CARD14: variants seen among roughly 807,000 people sequenced by gnomAD.
CARD14 encodes caspase recruitment domain family member 14, also known as caspase recruitment domain-containing protein 14.
In CARD14, 107 loss-of-function variants were observed where a neutral mutation model predicts 111.5. The ratio of observed to expected loss-of-function variants is 0.96; its 90% CI spans 0.82 to 1.13. The LOEUF (loss-of-function observed/expected upper bound fraction) is 1.13, where lower values mean the gene tolerates loss of function less well. Among genes scored for constraint, CARD14 ranks in the 50% most tolerant of loss-of-function variants. The pLI, the probability that CARD14 is intolerant of heterozygous loss-of-function variation, is 0.00. For missense variants in CARD14, 1,322 were observed against 1,362.3 expected (o/e 0.97, Z 0.47); for synonymous variants, 617 against 579.6 (o/e 1.06, Z -0.93).
At position 80,207,063 on chromosome 17, in the gene CARD14, G is replaced by A. The variant is rs1567907237; in HGVS notation, c.2785G>A (p.Glu929Lys). The change falls in exon 23 of 24, where the codon GAG (glutamate) becomes AAG (lysine). Residue 929 changes from glutamate to lysine, a missense_variant. Physicochemically the swap from Glu to Lys is moderately conservative, Grantham distance 56. Coordinates refer to ENST00000648509, the MANE Select transcript of CARD14 (RefSeq NM_001366385.1). ...FPIVIHVSVN[E>K]KMAKKLKKGL... ...CATCGTCATCCACGTCTCTGTCAAC[G>A]AGAAGATGGCAAAGAAGCTCAAGTA... is the stretch of plus-strand genomic sequence containing the variant. 7.4e-6 allele frequency: 12 copies of A among 1,613,804 alleles called. No individual in the cohort carries two copies. Among genetic ancestry groups the A allele is most frequent in the Non-Finnish European group, 9.3e-6 (11 of 1,179,834 alleles).
At chr17:80,181,310 A>G (rs915748624) in intron 4 of CARD14, 109 bp from the exon 5 acceptor site, 4 of 782,294 alleles carry the variant, frequency 5.1e-6, no homozygotes, top group African/African-American at 3.5e-5. Flanking sequence ...ACTGGCAAAG[A>G]GTGCGCCTTG....
intron 2 of CARD14, among the ~76,000 whole-genome samples, chr17:80,174,614 A>G (rs924441491): frequency 6.6e-6 from 1 of 152,090 alleles, no homozygotes; most frequent in Non-Finnish European, 1.5e-5. Flanking sequence ...TTCTTAGGGT[A>G]AAGAATCTTC....
At chr17:80,206,442 C>T (rs996123026) in intron 22 of CARD14, among the ~76,000 whole-genome samples, 1 of 152,016 alleles carries the variant, frequency 6.6e-6, no homozygotes, top group African/African-American at 2.4e-5. Flanking sequence ...AGTGAGACAC[C>T]CGTCTCTACA....
At position 80,188,619 on chromosome 17, in the gene CARD14, C is replaced by A. The variant is rs2040421350; in HGVS notation, c.843+75C>A. Reference sequence around the variant, plus strand: ...GGCCCTCAGGCTGTGGGGTTTCTGACAGGTGGTTTAGTTAAGGTGAGGCTA... The same window carrying A: ...GGCCCTCAGGCTGTGGGGTTTCTGAAAGGTGGTTTAGTTAAGGTGAGGCTA... On this transcript the variant is annotated intron_variant, in intron 8 of 23. Coordinates refer to ENST00000648509, the MANE Select transcript of CARD14 (RefSeq NM_001366385.1). This position sits in a 1 kb window ranked among gnomAD's most constrained non-coding sequence, Gnocchi z 4.5. The A allele has an allele frequency of 2.2e-6, 3 of 1,347,664 alleles. No homozygotes were observed. In the East Asian group the frequency reaches 8.5e-5, roughly 38 times the overall value. 83.5% of individuals were successfully genotyped at this position (1,347,664 alleles called of 1,614,324 possible). A position where few individuals can be genotyped will look rare whatever the true frequency, so the allele number is the denominator to read the frequency against.
rs1567860464 is a variant in CARD14 at position 80,170,791 on chromosome 17, TC to T, written c.-690+738del. On this transcript the variant is annotated intron_variant, in intron 1 of 23. Transcript: ENST00000648509. The stretch of plus-strand genomic sequence containing the variant: ...TCCCCTCCCCTCCCGTCCCCTCCCC[TC>T]CCGTCCCCTCCCCTCCTCTCCCCTC... Among the ~76,000 whole-genome samples the T allele has an allele frequency of 1.3e-4, 3 of 22,606 alleles. No homozygotes were observed. The East Asian group carries it at 4.8e-3, about 36-fold the overall frequency. The allele number at this position is 22,606 out of a possible 152,430, so 14.8% of individuals were successfully genotyped here. A position where few individuals can be genotyped will look rare whatever the true frequency, so the allele number is the denominator to read the frequency against.
chr17:80,190,740 G>A (rs750591845), intron 9 of CARD14, 34 bp from the exon 10 acceptor site: 3 of 1,611,834 alleles, frequency 1.9e-6, no homozygotes, highest in Non-Finnish European at 1.7e-6. Flanking sequence ...CAGAGCTGCT[G>A]AGCTTCACGG....
intron 2 of CARD14, among the ~76,000 whole-genome samples, chr17:80,175,309 T>C (rs2040000003): frequency 6.6e-6 from 1 of 152,212 alleles, no homozygotes; most frequent in Admixed American, 6.5e-5. Flanking sequence ...AGAAAAGTTG[T>C]TTTCCTTTCC....
rs1163514023 is a variant in CARD14, at chr17:80,191,235, G to A, written c.1090-88G>A. The A allele has an allele frequency of 4.0e-6, 6 of 1,502,954 alleles. No homozygotes were observed. In the African/African-American group the frequency reaches 6.9e-5, roughly 17 times the overall value. 93.1% of individuals were successfully genotyped at this position (1,502,954 alleles called of 1,614,324 possible). A position where few individuals can be genotyped will look rare whatever the true frequency, so the allele number is the denominator to read the frequency against. On this transcript the variant is annotated intron_variant, in intron 10 of 23. Coordinates refer to ENST00000648509, the MANE Select transcript of CARD14 (RefSeq NM_001366385.1). ...GGGCCATTTAGTGGATGTCAGATGA[G>A]CGCAGGCTAGAAACAGGGCTCTCCT...
rs748588108 is a variant in CARD14 at position 80,198,419 on chromosome 17, G to A, written c.1679G>A (p.Arg560Lys). The A allele has an allele frequency of 2.2e-5, 36 of 1,606,130 alleles. No individual in the cohort carries two copies. In the South Asian group the frequency reaches 4.0e-4, roughly 18 times the overall value. ...TGCAGCGGCGTCCTCATGCGGCGGA[G>A]GCCAGCCCGCAGGATCCTGAGCCAG... ...VSESGVLMRRRPARRILSQVT... is the reference protein window; with the variant it reads ...VSESGVLMRRKPARRILSQVT... The change falls in exon 16 of 24, where the codon AGG (arginine) becomes AAG (lysine). Residue 560 changes from arginine to lysine, a missense_variant. By Grantham distance (26) the Arg-to-Lys change is conservative (BLOSUM62 2). Transcript: ENST00000648509. This position sits in a 1 kb window ranked among gnomAD's most constrained non-coding sequence, Gnocchi z 7.5.
At chr17:80,176,306 G>T (rs7215927) in intron 2 of CARD14, among the ~76,000 whole-genome samples, 150,966 of 150,976 alleles carry the variant, frequency 1, 75,478 homozygotes, top group Middle Eastern at 1. Context: ...CCTGGCATGG[G>T]GGCACATATC....
In CARD14 at chr17:80,189,794, G is replaced by C. The variant is rs2040460080; in HGVS notation, c.885G>C (p.Arg295=). 1.3e-6 allele frequency: 2 copies of C among 1,586,830 alleles called. No individual in the cohort carries two copies. The highest frequency in any genetic ancestry group is 3.8e-5 in the Admixed American group (2 of 53,272). The change falls in exon 9 of 24, where the codon CGG becomes CGC. Residue 295 remains arginine, a synonymous_variant. Coordinates refer to ENST00000648509, the MANE Select transcript of CARD14 (RefSeq NM_001366385.1). The surrounding 1 kb of genome is among the most constrained non-coding windows in gnomAD (Gnocchi z 4.7). ...TGGAGCAGAGCCTGGACGAGGCGCG[G>C]GGGAGCCGACAGGAGCTGGTGGAGC... ...DILEQSLDEA[R]GSRQELVERI... is the part of the protein sequence containing the mutation.
At chr17:80,179,649 A>G (rs991463640) in intron 4 of CARD14, among the ~76,000 whole-genome samples, 1 of 152,214 alleles carries the variant, frequency 6.6e-6, no homozygotes, top group African/African-American at 2.4e-5. Context: ...CCTGAGCAAC[A>G]TACGGAGATT....
At chr17:80,185,932 G>T (rs2040330023) in intron 7 of CARD14, among the ~76,000 whole-genome samples, 1 of 152,270 alleles carries the variant, frequency 6.6e-6, no homozygotes, top group African/African-American at 2.4e-5. Context: ...TCGAGGTCCT[G>T]TCGCCCCTCA....
intron 20 of CARD14, chr17:80,204,829 G>A (rs2041193705): frequency 1.9e-6 from 1 of 527,472 alleles, no homozygotes; most frequent in East Asian, 3.1e-5. Context: ...GAGCCACAGA[G>A]CTGTGTAACC....
At chr17:80,190,676 T>G (rs1303732898) in intron 9 of CARD14, 98 bp from the exon 10 acceptor site, 2 of 1,376,156 alleles carry the variant, frequency 1.5e-6, no homozygotes, top group Non-Finnish European at 2.0e-6. Context: ...TCCCTAGAAC[T>G]GTCTCCCTCC....
In CARD14 at chr17:80,195,283, C is replaced by T. The variant is rs1598666051; in HGVS notation, c.1449C>T (p.Ser483=). 1 of 1,613,058 alleles carries T rather than the reference C, an allele frequency of 6.2e-7. No homozygotes were observed. Among genetic ancestry groups the T allele is most frequent in the East Asian group, 2.2e-5 (1 of 44,874 alleles). The change falls in exon 13 of 24, where the codon TCC becomes TCT. Residue 483 remains serine (S), a synonymous_variant. Transcript: ENST00000648509. The surrounding 1 kb of genome is among the most constrained non-coding windows in gnomAD (Gnocchi z 4.7). ...GCCCCGCGCCCCCCAGCCAGCAGTC[C>T]CTGTACAAGCGGGTGGCCGAGGACT... ...SSSPAPPSQQ[S]LYKRVAEDFG...
chr17:80,191,145 G>A (rs762536431), intron 10 of CARD14, among the ~76,000 whole-genome samples, 178 bp from the exon 11 acceptor site: 2 of 152,202 alleles, frequency 1.3e-5, no homozygotes, highest in Non-Finnish European at 2.9e-5. Flanking sequence ...CAAATACTGG[G>A]TTTTATCAAC....
chr17:80,182,582 G>T lies in CARD14; in HGVS notation c.212-71G>T. On this transcript the variant is annotated intron_variant, in intron 5 of 23. Coordinates refer to ENST00000648509, the MANE Select transcript of CARD14 (RefSeq NM_001366385.1). The surrounding 1 kb of genome is among the most constrained non-coding windows in gnomAD (Gnocchi z 4.7). ...CCAGCCCCAGGCCTCTCCCCCGTGGGGAAGCCAGCCAGGGAGCCCAGCCCC... is the reference window on the plus strand; with the variant it reads ...CCAGCCCCAGGCCTCTCCCCCGTGGTGAAGCCAGCCAGGGAGCCCAGCCCC... The T allele has an allele frequency of 6.3e-7, 1 of 1,582,938 alleles. No individual in the cohort carries two copies. Among genetic ancestry groups the T allele is most frequent in the South Asian group, 1.1e-5 (1 of 88,302 alleles).
chr17:80,205,401 A>G (rs2041242283), intron 21 of CARD14, 130 bp from the exon 22 acceptor site: 1 of 1,329,350 alleles, frequency 7.5e-7, no homozygotes, highest in Non-Finnish European at 1.0e-6. Flanking sequence ...TCAGGTTTGT[A>G]AAGTGGACAT....
Sources: allele counts gnomAD v4.1 joint callset (sites outside exome capture counted in the v4.1 genomes callset), GRCh38; gene constraint gnomAD v4.1.1; non-coding constraint Gnocchi (gnomAD v3.1); transcripts MANE v1.5; gene names NCBI Gene and HGNC (gene_info 2026-07-23, HGNC 2026-07-21).